Variants in GEMIN5 observed in about 807,000 individuals in gnomAD.
GEMIN5 encodes gem nuclear organelle associated protein 5.
In GEMIN5, 124 loss-of-function variants were observed where a neutral mutation model predicts 176.9. That is an observed-to-expected ratio of 0.70 (90% confidence interval 0.61 to 0.81). The LOEUF (loss-of-function observed/expected upper bound fraction) is 0.81, where lower values mean the gene tolerates loss of function less well. Ranked by LOEUF, GEMIN5 falls within the 40% of genes least tolerant of loss-of-function variation. GEMIN5 has a pLI of 0.00. For missense variants in GEMIN5, 1,843 were observed against 1,814.6 expected (o/e 1.02, Z -0.28); for synonymous variants, 673 against 665.2 (o/e 1.01, Z -0.18).
rs1763179086 is a variant in GEMIN5 at position 154,889,382 on chromosome 5, T to G, written c.4298A>C (p.Glu1433Ala). Reference protein sequence around the residue: ...EEKNEPLSLPELTKRLTEANQ... With the variant: ...EEKNEPLSLPALTKRLTEANQ... ...TGCCTCGGTAAGCCTTTTGGTTAACTCAGGCAGAGAAAGTGGCTCATTTTT... is the reference window on the plus strand; with the variant it reads ...TGCCTCGGTAAGCCTTTTGGTTAACGCAGGCAGAGAAAGTGGCTCATTTTT... Residue 1433 changes from glutamate (E) to alanine (A), a missense_variant, in exon 27 of 28, where the codon GAG (glutamate) becomes GCG (alanine). Coordinates refer to ENST00000285873, the MANE Select transcript of GEMIN5 (RefSeq NM_015465.5). 1 of 1,610,594 alleles carries G rather than the reference T, an allele frequency of 6.2e-7. No homozygotes were observed. Among genetic ancestry groups the G allele is most frequent in the South Asian group, 1.1e-5 (1 of 91,010 alleles).
In GEMIN5 at chr5:154,905,692, T is replaced by C. The variant is rs533601207; in HGVS notation, c.2396-216A>G. Among the ~76,000 whole-genome samples the C allele has an allele frequency of 1.3e-4, 20 of 151,424 alleles. No individual in the cohort carries two copies. The East Asian group carries it at 1.9e-3, about 15-fold the overall frequency. On this transcript the variant is annotated intron_variant, in intron 16 of 27. Transcript: ENST00000285873. ...CTGTTTTCAGGAATCTGTAAGTCTATTACTTTGGTTTTTTTTTTTTTTTTG... is the reference window on the plus strand; with the variant it reads ...CTGTTTTCAGGAATCTGTAAGTCTACTACTTTGGTTTTTTTTTTTTTTTTG...
intron 7 of GEMIN5, among the ~76,000 whole-genome samples, 156 bp from the exon 8 acceptor site, chr5:154,926,230 T>C (rs1291809344): frequency 6.6e-6 from 1 of 151,864 alleles, no homozygotes; most frequent in Non-Finnish European, 1.5e-5. Flanking sequence ...AAAAAAAAAA[T>C]AGTAATAAAT....
chr5:154,905,759 G>C (rs1449199575), intron 16 of GEMIN5, among the ~76,000 whole-genome samples: 1 of 151,560 alleles, frequency 6.6e-6, no homozygotes, highest in Non-Finnish European at 1.5e-5. Context: ...AAATTCAGTG[G>C]CGCAATCTTG....
At chr5:154,918,314 G>T (rs1157544276) in intron 11 of GEMIN5, among the ~76,000 whole-genome samples, 11 of 152,056 alleles carry the variant, frequency 7.2e-5, no homozygotes, top group Non-Finnish European at 1.5e-4. Flanking sequence ...GACAATGTGG[G>T]GACCATGAGG....
chr5:154,921,887 A>T (rs1763931088), intron 9 of GEMIN5, among the ~76,000 whole-genome samples: 2 of 152,226 alleles, frequency 1.3e-5, no homozygotes, highest in African/African-American at 4.8e-5. Flanking sequence ...GCGTACTCCT[A>T]AGAGCATTTT....
chr5:154,933,826 C>G (rs1221396372), intron 3 of GEMIN5, among the ~76,000 whole-genome samples: 3 of 148,986 alleles, frequency 2.0e-5, no homozygotes, highest in Non-Finnish European at 3.0e-5. Context: ...TAATACTATT[C>G]TGAAGATCCT....
At chr5:154,892,617 T>G (rs1763255376) in intron 24 of GEMIN5, 68 bp from the exon 25 acceptor site, 3 of 1,467,942 alleles carry the variant, frequency 2.0e-6, no homozygotes, top group Admixed American at 2.0e-5. Flanking sequence ...GCCACCAAAC[T>G]GTTCCTGTGA....
At chr5:154,920,273 G>A (rs534296126) in intron 10 of GEMIN5, among the ~76,000 whole-genome samples, 170 bp from the exon 11 acceptor site, 1 of 152,158 alleles carries the variant, frequency 6.6e-6, no homozygotes, top group Non-Finnish European at 1.5e-5. Context: ...GAACACAGTT[G>A]TTGGGAGCAG....
chr5:154,927,020 C>T (rs143925712), intron 7 of GEMIN5, among the ~76,000 whole-genome samples: 2,006 of 149,358 alleles, frequency 0.013, 53 homozygotes, highest in African/African-American at 0.047. Context: ...CACTGCACTC[C>T]AGCCTGGGAG....
chr5:154,928,338 G>A (rs1764087785), intron 6 of GEMIN5, among the ~76,000 whole-genome samples, 189 bp downstream of exon 6: 1 of 152,158 alleles, frequency 6.6e-6, no homozygotes, highest in Non-Finnish European at 1.5e-5. Flanking sequence ...CCTAACTGCC[G>A]GACTATACTT....
In GEMIN5 at chr5:154,892,556, A is replaced by G. The variant is rs1315555615; in HGVS notation, c.3598-7T>C. The stretch of plus-strand genomic sequence containing the variant: ...GGCAAATGTGAAGCAGGAGCTGGAG[A>G]GAGAAGCCAGAGTCTGAGTTAAACA... On this transcript the variant is annotated splice_region_variant and splice_polypyrimidine_tract_variant and intron_variant, in intron 24 of 27. Transcript: ENST00000285873. 1 of 1,612,506 alleles carries G rather than the reference A, an allele frequency of 6.2e-7. No homozygotes were observed.
rs765602845 is a variant in GEMIN5 at position 154,889,394 on chromosome 5, A to G, written c.4286T>C (p.Leu1429Pro). 22 of 1,609,234 alleles carry G rather than the reference A, an allele frequency of 1.4e-5. No homozygotes were observed. The highest frequency in any genetic ancestry group is 1.6e-4 in the Middle Eastern group (1 of 6,068). The part of the protein sequence containing the change: ...SQCKEEKNEP[L>P]SLPELTKRLT... ...CCTTTTGGTTAACTCAGGCAGAGAAAGTGGCTCATTTTTTTCTTCTTTACT... is the reference window on the plus strand; with the variant it reads ...CCTTTTGGTTAACTCAGGCAGAGAAGGTGGCTCATTTTTTTCTTCTTTACT... Residue 1429 changes from leucine (L) to proline (P), a missense_variant, in exon 27 of 28, where the codon CTT (leucine) becomes CCT (proline). Coordinates refer to ENST00000285873, the MANE Select transcript of GEMIN5 (RefSeq NM_015465.5).
At position 154,904,652 on chromosome 5, in the gene GEMIN5, C is replaced by T. The variant is rs200003670; in HGVS notation, c.2510-23G>A. On this transcript the variant is annotated intron_variant, in intron 17 of 27. Transcript: ENST00000285873. The stretch of plus-strand genomic sequence containing the variant: ...TTTCTGAAATTTAATAAAGTACATA[C>T]TATCTGAAGGAGAACTGATCAGAAA... 3.1e-6 allele frequency: 5 copies of T among 1,589,224 alleles called. No individual in the cohort carries two copies. The East Asian group carries it at 6.7e-5, about 21-fold the overall frequency.
In GEMIN5 at chr5:154,911,740, G is replaced by A; in HGVS notation, c.2154C>T (p.Ser718=). Residue 718 remains serine (S), a synonymous_variant, in exon 15 of 28, where the codon TCC becomes TCT. Coordinates refer to ENST00000285873, the MANE Select transcript of GEMIN5 (RefSeq NM_015465.5). The part of the protein sequence containing the change: ...HKWLTSMQDH[S]RPPQGKKSIE... ...GTTCTGACTGACCTTGAGGAGGCCG[G>A]GAATGATCTTGCATGGAAGTGAGCC... 1 of 1,613,628 alleles carries A rather than the reference G, an allele frequency of 6.2e-7. No homozygotes were observed. Among genetic ancestry groups the A allele is most frequent in the Non-Finnish European group, 8.5e-7 (1 of 1,179,650 alleles).
chr5:154,905,993 C>CT (rs558096485), intron 16 of GEMIN5, among the ~76,000 whole-genome samples: 1,922 of 146,150 alleles, frequency 0.013, 39 homozygotes, highest in African/African-American at 0.043. Context: ...TCCTGGCTTA[C>CT]TTTTTTTTTT....
intron 13 of GEMIN5, among the ~76,000 whole-genome samples, chr5:154,915,132 T>C (rs1308928136): frequency 6.6e-6 from 1 of 152,222 alleles, no homozygotes; most frequent in Non-Finnish European, 1.5e-5. Context: ...TTATGTTCAT[T>C]AGTTATACAC....
In GEMIN5 at chr5:154,919,698, C is replaced by T. The variant is rs143259270; in HGVS notation, c.1599+269G>A. Among the ~76,000 whole-genome samples the T allele has an allele frequency of 3.6e-3, 544 of 152,286 alleles. 4 individuals carry two copies. Among genetic ancestry groups the T allele is most frequent in the African/African-American group, 0.013 (527 of 41,564 alleles). ...TAATAAATCATTGTTGCAATTGAGA[C>T]AGACCTTTTTTTCAGTAGTTCTTTT... On this transcript the variant is annotated intron_variant, in intron 11 of 27. Coordinates refer to ENST00000285873, the MANE Select transcript of GEMIN5 (RefSeq NM_015465.5).
intron 2 of GEMIN5, among the ~76,000 whole-genome samples, chr5:154,936,760 T>C (rs559398173): frequency 6.6e-5 from 10 of 152,202 alleles, no homozygotes; most frequent in Non-Finnish European, 4.4e-5. Context: ...AAAGCAGTCA[T>C]AGACAATACT....
At chr5:154,919,162 C>G (rs1047733364) in intron 11 of GEMIN5, among the ~76,000 whole-genome samples, 4 of 151,882 alleles carry the variant, frequency 2.6e-5, no homozygotes, top group Admixed American at 2.0e-4. Flanking sequence ...AACCCCATCT[C>G]TACTTAAAAA....
Sources: gnomAD v4.1 joint callset for allele counts (sites outside exome capture counted in the v4.1 genomes callset) on GRCh38, gnomAD v4.1.1 for gene constraint, MANE v1.5 for transcripts, NCBI Gene and HGNC (gene_info 2026-07-23, HGNC 2026-07-21) for gene names.